ROBO2: variants seen among roughly 807,000 people sequenced by gnomAD.
The protein encoded by ROBO2 is roundabout guidance receptor 2, also known as roundabout homolog 2.
Under a neutral mutation model 160.8 loss-of-function variants are expected in ROBO2, and 53 were observed. That is an observed-to-expected ratio of 0.33 (90% CI 0.26 to 0.41). The LOEUF is 0.41. ROBO2 is among the 10% of genes least tolerant of loss of function. ROBO2 has a pLI of 1.00. For synonymous variants in ROBO2, 664 were observed against 611.7 expected, an observed-to-expected ratio of 1.09 and a Z score of -1.26; for missense variants, 1,577 against 1,722.4, an observed-to-expected ratio of 0.92 and a Z score of 1.49.
intron 2 of ROBO2, among the ~76,000 whole-genome samples, chr3:75,992,003 C>G (rs2065587047): frequency 6.6e-6 from 1 of 152,124 alleles, no homozygotes; most frequent in African/African-American, 2.4e-5. Context: ...AGCAGCAAAG[C>G]ATTCAAGAAG....
At chr3:76,778,652 T>A (rs2062433800) in intron 2 of ROBO2, among the ~76,000 whole-genome samples, 1 of 151,156 alleles carries the variant, frequency 6.6e-6, no homozygotes, top group South Asian at 2.1e-4. Context: ...CTGTTTTGGC[T>A]ACTATTCTTA....
chr3:76,491,572 A>G (rs925479392), intron 2 of ROBO2, among the ~76,000 whole-genome samples: 2 of 152,186 alleles, frequency 1.3e-5, no homozygotes, highest in African/African-American at 4.8e-5. Context: ...GGTGTATATG[A>G]CATTAACAGA....
At chr3:76,566,332 TAG>T (rs548663820) in intron 2 of ROBO2, among the ~76,000 whole-genome samples, 103 of 152,270 alleles carry the variant, frequency 6.8e-4, no homozygotes, top group Non-Finnish European at 1.4e-3. Flanking sequence ...AGAGCACATG[TAG>T]AGAGGCAGAT....
intron 2 of ROBO2, among the ~76,000 whole-genome samples, chr3:76,469,189 A>C (rs1317439663): frequency 6.6e-6 from 1 of 152,064 alleles, no homozygotes; most frequent in Non-Finnish European, 1.5e-5. Flanking sequence ...TCTGCTCTCC[A>C]TTAATCTAGT....
At chr3:76,852,565 G>C (rs1339384728) in intron 2 of ROBO2, among the ~76,000 whole-genome samples, 1 of 152,104 alleles carries the variant, frequency 6.6e-6, no homozygotes, top group Admixed American at 6.6e-5. Context: ...TGTCAGAAGA[G>C]GTCAAAGGAA....
chr3:76,187,666 AAACAGGATTGAT>A (rs1352746680), intron 2 of ROBO2, among the ~76,000 whole-genome samples: 1 of 152,068 alleles, frequency 6.6e-6, no homozygotes, highest in Non-Finnish European at 1.5e-5. Context: ...TTCAAACCAG[AAACAGGATTGAT>A]TTTAATATTC....
At chr3:77,184,166 C>G (rs1206188697) in intron 2 of ROBO2, among the ~76,000 whole-genome samples, 2 of 152,058 alleles carry the variant, frequency 1.3e-5, no homozygotes, top group Non-Finnish European at 2.9e-5. Context: ...ATCTCCAGAG[C>G]TGGTTTTCAC....
At chr3:76,187,530 T>C (rs542571802) in intron 2 of ROBO2, among the ~76,000 whole-genome samples, 111 of 152,248 alleles carry the variant, frequency 7.3e-4, no homozygotes, top group African/African-American at 2.6e-3. Context: ...TGCCTTGGCC[T>C]CACAAAGTTC....
chr3:77,524,852 G>A (rs1234548250), intron 6 of ROBO2, among the ~76,000 whole-genome samples: 1 of 151,050 alleles, frequency 6.6e-6, no homozygotes, highest in Non-Finnish European at 1.5e-5. Flanking sequence ...ACTGTAGATG[G>A]ATTAGAGTGT....
intron 2 of ROBO2, among the ~76,000 whole-genome samples, chr3:76,507,351 A>T (rs1278960082): frequency 6.6e-6 from 1 of 152,194 alleles, no homozygotes; most frequent in African/African-American, 2.4e-5. Context: ...TATTCTAGCT[A>T]TATAACCCTC....
intron 2 of ROBO2, among the ~76,000 whole-genome samples, chr3:76,194,969 A>C (rs552288903): frequency 8.5e-5 from 13 of 152,148 alleles, no homozygotes; most frequent in Non-Finnish European, 1.8e-4. Flanking sequence ...AGCTGACATA[A>C]AAAGGAGTAG....
intron 2 of ROBO2, among the ~76,000 whole-genome samples, chr3:76,264,569 T>C (rs1252664991): frequency 6.6e-6 from 1 of 152,186 alleles, no homozygotes. Flanking sequence ...CTAAGCCCTC[T>C]TCTGGTTTCT....
chr3:77,028,455 C>G (rs189401389), intron 2 of ROBO2, among the ~76,000 whole-genome samples: 3 of 152,262 alleles, frequency 2.0e-5, no homozygotes, highest in East Asian at 3.9e-4. Flanking sequence ...GTGGCTCATG[C>G]CTGTAGTCCC....
chr3:77,186,776 T>C (rs935442612), intron 2 of ROBO2, among the ~76,000 whole-genome samples: 3 of 151,986 alleles, frequency 2.0e-5, no homozygotes, highest in Non-Finnish European at 4.4e-5. Flanking sequence ...GCAGCCTTTC[T>C]ACTATTACCA....
intron 2 of ROBO2, among the ~76,000 whole-genome samples, chr3:76,110,488 G>A (rs2070177943): frequency 2.0e-5 from 3 of 152,076 alleles, no homozygotes; most frequent in Admixed American, 2.0e-4. Context: ...AGCTTGAATA[G>A]CAAATTCTGT....
At chr3:75,938,914 G>A (rs1043147173) in intron 2 of ROBO2, among the ~76,000 whole-genome samples, 5 of 152,046 alleles carry the variant, frequency 3.3e-5, no homozygotes, top group African/African-American at 4.8e-5. Context: ...TAAAACTAAT[G>A]TAAAATATAT....
chr3:75,939,382 AC>A (rs1227563847), intron 2 of ROBO2, among the ~76,000 whole-genome samples: 1 of 152,018 alleles, frequency 6.6e-6, no homozygotes, highest in Non-Finnish European at 1.5e-5. Flanking sequence ...ATTTACCCAA[AC>A]CCTTTTATTT....
intron 2 of ROBO2, among the ~76,000 whole-genome samples, chr3:75,977,623 G>A (rs189576662): frequency 1.3e-5 from 2 of 151,482 alleles, no homozygotes; most frequent in East Asian, 3.9e-4. Context: ...AATGAGTAGG[G>A]GTATGCTAGT....
intron 2 of ROBO2, among the ~76,000 whole-genome samples, chr3:76,953,924 A>T (rs9845979): frequency 0.075 from 11,431 of 152,248 alleles, 1,450 homozygotes; most frequent in African/African-American, 0.26. Context: ...TCTACTCAAA[A>T]GTACTTTGGC....
Sources: allele counts gnomAD v4.1 joint callset (sites outside exome capture counted in the v4.1 genomes callset), GRCh38; gene constraint gnomAD v4.1.1; transcripts MANE v1.5; gene names NCBI Gene and HGNC (gene_info 2026-07-23, HGNC 2026-07-21).